The following CCDC148 variants were observed in gnomAD, a reference collection of about 807,000 sequenced individuals.
CCDC148 encodes the protein coiled-coil domain-containing protein 148.
Under a neutral mutation model 85.7 loss-of-function variants are expected in CCDC148, and 89 were observed. The ratio of observed to expected loss-of-function variants is 1.04; its 90% CI spans 0.87 to 1.24. The LOEUF (loss-of-function observed/expected upper bound fraction) is 1.24, where lower values mean the gene tolerates loss of function less well. Ranked by LOEUF, CCDC148 falls within the 50% of genes most tolerant of loss-of-function variation. CCDC148 has a pLI of 0.00. For synonymous variants in CCDC148, 230 were observed against 213.9 expected, an observed-to-expected ratio of 1.08 and a Z score of -0.66; for missense variants, 692 against 671.7, an observed-to-expected ratio of 1.03 and a Z score of -0.33.
intron 2 of CCDC148, 93 bp downstream of exon 2, chr2:158,358,356 G>A: frequency 1.4e-6 from 2 of 1,428,538 alleles, no homozygotes; most frequent in East Asian, 4.9e-5. Context: ...CAACTATTTG[G>A]AATGTCATTT....
At chr2:158,277,797 C>T (rs1171694842) in intron 9 of CCDC148, among the ~76,000 whole-genome samples, 8 of 152,120 alleles carry the variant, frequency 5.3e-5, no homozygotes, top group Non-Finnish European at 8.8e-5. Flanking sequence ...GGGGTTTCAC[C>T]GTGTTAGCCA....
At chr2:158,420,997 T>A (rs904090774) in intron 1 of CCDC148, among the ~76,000 whole-genome samples, 3 of 151,824 alleles carry the variant, frequency 2.0e-5, no homozygotes, top group Non-Finnish European at 2.9e-5. Context: ...AAGAAGGCCA[T>A]TACATAATGG....
chr2:158,221,187 G>A (rs1351762650), intron 10 of CCDC148, among the ~76,000 whole-genome samples: 1 of 152,106 alleles, frequency 6.6e-6, no homozygotes, highest in Non-Finnish European at 1.5e-5. Context: ...TATGCTTCTG[G>A]GGAAGTGGCA....
At chr2:158,399,502 A>G (rs959304239) in intron 1 of CCDC148, among the ~76,000 whole-genome samples, 3 of 152,218 alleles carry the variant, frequency 2.0e-5, no homozygotes, top group African/African-American at 7.2e-5. Flanking sequence ...AATCCATCAC[A>G]TAAACAGAAC....
rs772659057 is a variant in CCDC148, at chr2:158,284,647, T to G, written c.1110+24786A>C. The stretch of plus-strand genomic sequence containing the variant: ...GGCTTCAAGCTTTGGTCCTGGACTT[T>G]TAATGCTTTCAGGAATACGGCAGAA... On this transcript the variant is annotated intron_variant, in intron 9 of 13. Transcript: ENST00000283233. Among the ~76,000 whole-genome samples the G allele has an allele frequency of 4.6e-5, 7 of 152,216 alleles. 1 individual carries two copies. Among genetic ancestry groups the G allele is most frequent in the Admixed American group, 1.3e-4 (2 of 15,284 alleles).
rs553724833 is a variant in CCDC148, at chr2:158,277,138, C to A, written c.1111-26226G>T. On this transcript the variant is annotated intron_variant, in intron 9 of 13. Transcript: ENST00000283233. ...TATTGCAAATGTATAGAGACTATACCATTATTGAAGAATTTTCCCAGTGCC... is the reference window on the plus strand; with the variant it reads ...TATTGCAAATGTATAGAGACTATACAATTATTGAAGAATTTTCCCAGTGCC... 2.6e-5 allele frequency among the ~76,000 whole-genome samples: 4 copies of A among 152,166 alleles called. No homozygotes were observed. In the East Asian group the frequency reaches 7.7e-4, roughly 29 times the overall value.
intron 1 of CCDC148, among the ~76,000 whole-genome samples, chr2:158,408,306 A>G (rs992697138): frequency 6.6e-6 from 1 of 152,156 alleles, no homozygotes; most frequent in Non-Finnish European, 1.5e-5. Flanking sequence ...AACTATAGTC[A>G]TATTGCTGTA....
intron 7 of CCDC148, among the ~76,000 whole-genome samples, chr2:158,338,168 T>C (rs1574647519): frequency 1.3e-5 from 2 of 152,142 alleles, no homozygotes; most frequent in Admixed American, 6.6e-5. Context: ...CTAGAGAAGA[T>C]GACCGCTGCC....
At chr2:158,334,969 C>T (rs1177521659) in intron 7 of CCDC148, among the ~76,000 whole-genome samples, 2 of 152,040 alleles carry the variant, frequency 1.3e-5, no homozygotes, top group Non-Finnish European at 2.9e-5. Context: ...TATTTTGAAG[C>T]CAAATCAATT....
intron 1 of CCDC148, among the ~76,000 whole-genome samples, chr2:158,444,071 G>A (rs1688058796): frequency 6.6e-6 from 1 of 152,180 alleles, no homozygotes; most frequent in Non-Finnish European, 1.5e-5. Context: ...AGATAAAGTA[G>A]TCATTTTTAA....
intron 1 of CCDC148, among the ~76,000 whole-genome samples, chr2:158,397,368 C>T (rs887627265): frequency 3.9e-5 from 6 of 152,098 alleles, no homozygotes; most frequent in African/African-American, 1.4e-4. Flanking sequence ...ATGTTAAGGG[C>T]AGCCAGAGAG....
intron 10 of CCDC148, among the ~76,000 whole-genome samples, chr2:158,245,539 T>C (rs542974326): frequency 6.6e-6 from 1 of 152,290 alleles, no homozygotes; most frequent in South Asian, 2.1e-4. Context: ...GGGAGAGATA[T>C]GTCTTCTTTT....
intron 1 of CCDC148, among the ~76,000 whole-genome samples, chr2:158,425,715 A>T (rs923407802): frequency 3.3e-5 from 5 of 152,192 alleles, no homozygotes; most frequent in African/African-American, 1.2e-4. Flanking sequence ...ATAAATAGCC[A>T]GCCACAGTGA....
At chr2:158,246,078 A>G (rs1688557354) in intron 10 of CCDC148, among the ~76,000 whole-genome samples, 3 of 152,212 alleles carry the variant, frequency 2.0e-5, no homozygotes. Flanking sequence ...AAATTGCTGG[A>G]AAGAAGAATT....
At chr2:158,361,663 T>C (rs1683952222) in intron 1 of CCDC148, among the ~76,000 whole-genome samples, 1 of 151,840 alleles carries the variant, frequency 6.6e-6, no homozygotes, top group African/African-American at 2.4e-5. Flanking sequence ...TTACAAGAGC[T>C]CCTGAAGGAA....
chr2:158,272,316 T>G (rs1292119001), intron 9 of CCDC148, among the ~76,000 whole-genome samples: 1 of 152,148 alleles, frequency 6.6e-6, no homozygotes, highest in Non-Finnish European at 1.5e-5. Context: ...GAGTCCTAAA[T>G]GCACACTGGT....
chr2:158,390,692 C>T lies in CCDC148; in HGVS notation c.26-32122G>A, dbSNP rs530602273. On this transcript the variant is annotated intron_variant, in intron 1 of 13. Coordinates refer to ENST00000283233, the MANE Select transcript of CCDC148 (RefSeq NM_138803.4). ...CTGCAGTGAGCATGAAGCCAACATG[C>T]TGAGAGATGAAGGTGATGTTTATTC... 4.6e-4 allele frequency among the ~76,000 whole-genome samples: 70 copies of T among 152,274 alleles called. 2 individuals are homozygous for T. Among genetic ancestry groups the T allele is most frequent in the Admixed American group, 4.5e-3 (69 of 15,272 alleles).
rs148046868 is a variant in CCDC148 at position 158,187,827 on chromosome 2, C to T, written c.1371-8831G>A. 5.3e-5 allele frequency among the ~76,000 whole-genome samples: 8 copies of T among 152,120 alleles called. No homozygotes were observed. In the East Asian group the frequency reaches 1.2e-3, roughly 22 times the overall value. ...ACAATCAGTGCACAAATATCTGCAG[C>T]CTCCACCTCCCTCAAAGTCCCAGAT... On this transcript the variant is annotated intron_variant, in intron 11 of 13. Coordinates refer to ENST00000283233, the MANE Select transcript of CCDC148 (RefSeq NM_138803.4).
At chr2:158,333,503 G>C (rs993402315) in intron 7 of CCDC148, among the ~76,000 whole-genome samples, 1 of 152,086 alleles carries the variant, frequency 6.6e-6, no homozygotes, top group Non-Finnish European at 1.5e-5. Flanking sequence ...GTTGATTTGG[G>C]GTGGAGAGTT....
Sources: allele counts gnomAD v4.1 joint callset (sites outside exome capture counted in the v4.1 genomes callset), GRCh38; gene constraint gnomAD v4.1.1; transcripts MANE v1.5; gene names NCBI Gene and HGNC (gene_info 2026-07-23, HGNC 2026-07-21).